The following ROCK1 variants were observed in gnomAD, a reference collection of about 807,000 sequenced individuals.
ROCK1 encodes Rho associated coiled-coil containing protein kinase 1.
In ROCK1, 36 loss-of-function variants were observed where a neutral mutation model predicts 196.8. That is an observed-to-expected ratio of 0.18 (90% CI 0.14 to 0.24). The LOEUF is 0.24. Among genes scored for constraint, ROCK1 ranks in the 10% least tolerant of loss-of-function variants. The probability of loss-of-function intolerance (pLI) is 1.00; values close to 1 mark genes in which losing one functional copy is unlikely to be tolerated. For synonymous variants in ROCK1, 443 were observed against 515.9 expected (o/e 0.86, Z 1.91); for missense variants, 920 against 1,562.0 (o/e 0.59, Z 6.93).
intron 1 of ROCK1, among the ~76,000 whole-genome samples, chr18:21,105,176 G>T (rs1330043494): frequency 6.6e-6 from 1 of 152,094 alleles, no homozygotes; most frequent in Non-Finnish European, 1.5e-5. Context: ...TTTTTCTGAA[G>T]ATGAAACAGC....
chr18:21,082,156 C>G (rs2036487925), intron 1 of ROCK1, among the ~76,000 whole-genome samples: 1 of 151,802 alleles, frequency 6.6e-6, no homozygotes, highest in Non-Finnish European at 1.5e-5. Context: ...CCAGGCTGGT[C>G]TTGAACTCCT....
intron 10 of ROCK1, among the ~76,000 whole-genome samples, chr18:21,027,076 T>C (rs1175230365): frequency 1.3e-5 from 2 of 152,002 alleles, no homozygotes; most frequent in Non-Finnish European, 2.9e-5. Flanking sequence ...GTAGCTGGGA[T>C]TACAGGCATA....
In ROCK1 at chr18:21,046,059, C is replaced by T. The variant is rs9964200; in HGVS notation, c.415-592G>A. Among the ~76,000 whole-genome samples the T allele has an allele frequency of 2.5e-3, 381 of 151,980 alleles. 2 individuals carry two copies. The highest frequency in any genetic ancestry group is 8.6e-3 in the African/African-American group (355 of 41,440). The stretch of plus-strand genomic sequence containing the variant: ...CCGAGGAGCTGGGACTACAGGCACC[C>T]GCTACCACGCCCGGCTAATTTTTTG... On this transcript the variant is annotated intron_variant, in intron 4 of 32. Coordinates refer to ENST00000399799, the MANE Select transcript of ROCK1 (RefSeq NM_005406.3).
intron 9 of ROCK1, among the ~76,000 whole-genome samples, chr18:21,037,525 AG>A (rs2036067833): frequency 6.6e-6 from 1 of 152,112 alleles, no homozygotes; most frequent in Admixed American, 6.5e-5. Flanking sequence ...GAAGTAAAGA[AG>A]GGGTAGGAAG....
chr18:21,069,918 C>A (rs2036368856), intron 2 of ROCK1, among the ~76,000 whole-genome samples: 2 of 151,850 alleles, frequency 1.3e-5, no homozygotes, highest in South Asian at 4.2e-4. Flanking sequence ...TACAAGATTT[C>A]AAAGTATAGA....
chr18:21,085,455 CTTATGGT>C, intron 1 of ROCK1, among the ~76,000 whole-genome samples: 1 of 151,324 alleles, frequency 6.6e-6, no homozygotes, highest in South Asian at 2.1e-4. Context: ...CACATACCAG[CTTATGGT>C]TGGTAGAAAA....
At chr18:20,954,554 C>T (rs573799826) in intron 31 of ROCK1, among the ~76,000 whole-genome samples, 19 of 152,324 alleles carry the variant, frequency 1.2e-4, no homozygotes, top group East Asian at 7.7e-4. Context: ...CCAGCCTGGG[C>T]GAGACAGAGT....
In ROCK1 at chr18:20,947,768, C is replaced by T. The variant is rs2035143181; in HGVS notation, c.*3616G>A. 6.6e-6 allele frequency: 1 copy of T among 152,060 alleles called. No homozygotes were observed. Among genetic ancestry groups the T allele is most frequent in the Non-Finnish European group, 1.5e-5 (1 of 68,020 alleles). The allele number at this position is 152,060 out of a possible 1,614,324, so 9.4% of individuals were successfully genotyped here. On this transcript the variant is annotated 3_prime_UTR_variant, in exon 33 of 33. Transcript: ENST00000399799. ...ACTTCTCCAAATGTCTTACAATTTT[C>T]TTGGTGGAGGTCGTATACATCTTTC... is the stretch of plus-strand genomic sequence containing the variant.
intron 9 of ROCK1, among the ~76,000 whole-genome samples, chr18:21,033,854 TAAAAAAAAAAAAA>T (rs71269004): frequency 0.075 from 2,529 of 33,532 alleles, 212 homozygotes; most frequent in African/African-American, 0.26. Flanking sequence ...CCGTTTCTAC[TAAAAAAAAAAAAA>T]AAAAAAAAAA....
intron 16 of ROCK1, among the ~76,000 whole-genome samples, chr18:20,994,522 G>A (rs1236100089): frequency 6.6e-6 from 1 of 152,090 alleles, no homozygotes; most frequent in Non-Finnish European, 1.5e-5. Flanking sequence ...CAGCTACTTG[G>A]GAGACTGAGG....
intron 16 of ROCK1, among the ~76,000 whole-genome samples, chr18:21,005,251 C>A (rs1164324595): frequency 1.3e-5 from 2 of 152,182 alleles, no homozygotes; most frequent in African/African-American, 2.4e-5. Context: ...CAATCTTCTG[C>A]CTCTTAGATT....
chr18:21,072,739 CACA>C lies in ROCK1; in HGVS notation c.94-2129_94-2127del, dbSNP rs561899624. On this transcript the variant is annotated intron_variant, in intron 1 of 32. Transcript: ENST00000399799. ...CATGAGCAAAACTACCTTCTACTTTCACAACATGTCCATCATATAGCTTAATCA... is the reference window on the plus strand; with the variant it reads ...CATGAGCAAAACTACCTTCTACTTTCACATGTCCATCATATAGCTTAATCA... Among the ~76,000 whole-genome samples the C allele has an allele frequency of 5.6e-4, 85 of 152,212 alleles. 1 individual carries two copies. Among genetic ancestry groups the C allele is most frequent in the African/African-American group, 1.7e-3 (71 of 41,544 alleles).
Position 20,984,493 on chromosome 18 carries a change from G to A in ROCK1, c.2347C>T (p.Arg783Trp), listed in dbSNP as rs778941061. ...TTCAATTCATTTTGTAACAACAGCC[G>A]CTTATTTGATTCCTGCTCCAGTTGC... is the stretch of plus-strand genomic sequence containing the variant. ...TLQLEQESNKRLLLQNELKTQ... is the reference protein window; with the variant it reads ...TLQLEQESNKWLLLQNELKTQ... The change falls in exon 20 of 33, where the codon CGG becomes TGG. Residue 783 changes from arginine (R) to tryptophan (W), a missense_variant. This residue lies in a region of ROCK1 where 520 missense variants were observed against 657.1 expected (regional missense o/e 0.79). Transcript: ENST00000399799. 3.1e-6 allele frequency: 5 copies of A among 1,612,760 alleles called. No homozygotes were observed. The highest frequency in any genetic ancestry group is 2.2e-5 in the East Asian group (1 of 44,798).
At position 20,967,086 on chromosome 18, in the gene ROCK1, A is replaced by C. The variant is rs1423249455; in HGVS notation, c.3193-10T>G. 6.9e-6 allele frequency: 11 copies of C among 1,584,198 alleles called. No individual in the cohort carries two copies. Among genetic ancestry groups the C allele is most frequent in the Non-Finnish European group, 9.5e-6 (11 of 1,156,666 alleles). ...ATTCTTCTACCAATTGCTAATTTTG[A>C]AAAGTATCAAGATAATATAATCAAG... On this transcript the variant is annotated splice_polypyrimidine_tract_variant and intron_variant, in intron 26 of 32. Transcript: ENST00000399799.
At chr18:21,032,506 GT>G (rs368055407) in intron 9 of ROCK1, among the ~76,000 whole-genome samples, 3,021 of 129,208 alleles carry the variant, frequency 0.023, 94 homozygotes, top group African/African-American at 0.078. Flanking sequence ...AAATAGGAAA[GT>G]TTTTTTTTTT....
intron 2 of ROCK1, among the ~76,000 whole-genome samples, chr18:21,059,648 A>G (rs2036272029): frequency 6.6e-6 from 1 of 152,214 alleles, no homozygotes; most frequent in Non-Finnish European, 1.5e-5. Flanking sequence ...AAAATGTTAA[A>G]TATAGAATTA....
intron 1 of ROCK1, among the ~76,000 whole-genome samples, chr18:21,100,062 C>T (rs2036645381): frequency 1.3e-5 from 2 of 150,866 alleles, no homozygotes; most frequent in African/African-American, 4.9e-5. Flanking sequence ...CCCAAACCAA[C>T]CAAAAAGCAT....
At chr18:21,109,753 T>C (rs746728919) in intron 1 of ROCK1, among the ~76,000 whole-genome samples, 1 of 152,224 alleles carries the variant, frequency 6.6e-6, no homozygotes, top group African/African-American at 2.4e-5. Flanking sequence ...ACGTTAATTT[T>C]AAACAATCTA....
At chr18:21,015,800 C>T (rs1163382505) in intron 12 of ROCK1, among the ~76,000 whole-genome samples, 24 of 150,982 alleles carry the variant, frequency 1.6e-4, no homozygotes, top group African/African-American at 4.9e-4. Context: ...GGTGAAACCC[C>T]GTCTCTACTA....
Sources: gnomAD v4.1 joint callset for allele counts (sites outside exome capture counted in the v4.1 genomes callset) on GRCh38, gnomAD v4.1.1 for gene constraint, gnomAD v4.1.1 regional missense constraint, MANE v1.5 for transcripts, NCBI Gene and HGNC (gene_info 2026-07-23, HGNC 2026-07-21) for gene names.